Variants in NME7 observed in about 807,000 individuals in gnomAD.
NME7 encodes NME/NM23 family member 7.
Under a neutral mutation model 49.1 loss-of-function variants are expected in NME7, and 41 were observed. The observed-to-expected ratio is 0.83, with a 90% CI of 0.65 to 1.08. NME7 has a LOEUF of 1.08. Ranked by LOEUF, NME7 falls within the 50% of genes least tolerant of loss-of-function variation. NME7 has a pLI of 0.00. For synonymous variants in NME7, 139 were observed against 150.6 expected (o/e 0.92, Z 0.56); for missense variants, 423 against 463.4 (o/e 0.91, Z 0.80).
chr1:169,308,762 T>A (rs1026907325), intron 4 of NME7, among the ~76,000 whole-genome samples: 1 of 152,198 alleles, frequency 6.6e-6, no homozygotes. Context: ...AGTTACTTAC[T>A]TCATGATAGA....
At chr1:169,326,153 C>T (rs1327218964) in intron 1 of NME7, among the ~76,000 whole-genome samples, 1 of 152,090 alleles carries the variant, frequency 6.6e-6, no homozygotes, top group Non-Finnish European at 1.5e-5. Flanking sequence ...AAACCTGGTA[C>T]TTCCATTTAT....
At chr1:169,258,052 C>T (rs1239482263) in intron 7 of NME7, among the ~76,000 whole-genome samples, 3 of 132,964 alleles carry the variant, frequency 2.3e-5, no homozygotes, top group African/African-American at 7.6e-5. Flanking sequence ...TTTAAAAAGA[C>T]ATAGGCCTGG....
At chr1:169,198,014 T>C (rs917226660) in intron 10 of NME7, among the ~76,000 whole-genome samples, 25 of 151,932 alleles carry the variant, frequency 1.6e-4, no homozygotes, top group Non-Finnish European at 3.5e-4. Context: ...AAGTCAATAA[T>C]AAAAATGACT....
At chr1:169,205,867 T>C (rs1290280572) in intron 10 of NME7, among the ~76,000 whole-genome samples, 2 of 152,150 alleles carry the variant, frequency 1.3e-5, no homozygotes, top group African/African-American at 2.4e-5. Flanking sequence ...CTGTATCTCT[T>C]TGACCTCACC....
At position 169,253,797 on chromosome 1, in the gene NME7, T is replaced by C. The variant is rs1426204975; in HGVS notation, c.755-16110A>G. On this transcript the variant is annotated intron_variant, in intron 7 of 11. Transcript: ENST00000367811. The stretch of plus-strand genomic sequence containing the variant: ...AGGGTTGTTGAATTTTGTCAAAGGC[T>C]TTTTCTGCATCTATTGAGATAATCA... 4.6e-5 allele frequency among the ~76,000 whole-genome samples: 7 copies of C among 151,752 alleles called. No homozygotes were observed. In the South Asian group the frequency reaches 6.3e-4, roughly 14 times the overall value.
At chr1:169,291,884 T>C (rs1016170829) in intron 6 of NME7, among the ~76,000 whole-genome samples, 12 of 152,068 alleles carry the variant, frequency 7.9e-5, no homozygotes, top group Admixed American at 2.6e-4. Flanking sequence ...GCCTACAGTA[T>C]AAACATAACT....
intron 10 of NME7, among the ~76,000 whole-genome samples, chr1:169,217,766 C>T (rs988288077): frequency 6.6e-6 from 1 of 152,160 alleles, no homozygotes; most frequent in East Asian, 1.9e-4. Flanking sequence ...AAGACTGTTA[C>T]GTACATTTGA....
intron 10 of NME7, among the ~76,000 whole-genome samples, chr1:169,226,268 C>CT (rs1201551179): frequency 2.0e-5 from 3 of 152,138 alleles, no homozygotes; most frequent in African/African-American, 7.2e-5. Context: ...ATTATCAATT[C>CT]TATCTCTTCC....
At chr1:169,331,710 A>G (rs971703301) in intron 1 of NME7, among the ~76,000 whole-genome samples, 2 of 152,098 alleles carry the variant, frequency 1.3e-5, no homozygotes, top group Admixed American at 1.3e-4. Flanking sequence ...AAGTTATCCC[A>G]TTTACAATAG....
intron 10 of NME7, among the ~76,000 whole-genome samples, chr1:169,183,244 A>C (rs944939345): frequency 2.6e-5 from 4 of 152,260 alleles, no homozygotes; most frequent in Non-Finnish European, 5.9e-5. Context: ...TCCCCAAAGA[A>C]CTACTTAATC....
intron 1 of NME7, among the ~76,000 whole-genome samples, chr1:169,353,851 G>A (rs774153703): frequency 2.0e-5 from 3 of 151,952 alleles, no homozygotes; most frequent in Non-Finnish European, 4.4e-5. Flanking sequence ...CTACAATGAG[G>A]TATCACCTCA....
intron 1 of NME7, among the ~76,000 whole-genome samples, chr1:169,328,143 G>A (rs912709652): frequency 2.6e-5 from 4 of 152,066 alleles, no homozygotes; most frequent in African/African-American, 9.7e-5. Flanking sequence ...AAGAGACATG[G>A]CCCTGAAATG....
At chr1:169,359,171 T>C (rs1653566731) in intron 1 of NME7, among the ~76,000 whole-genome samples, 1 of 152,194 alleles carries the variant, frequency 6.6e-6, no homozygotes. Flanking sequence ...TCCTCCAGTA[T>C]ATTTTAATTC....
At chr1:169,298,900 A>C (rs1650821940) in intron 5 of NME7, 137 bp from the exon 6 acceptor site, 2 of 783,384 alleles carry the variant, frequency 2.6e-6, no homozygotes, top group Admixed American at 6.0e-5. Context: ...AAGCATAGTT[A>C]ATTTTACATG....
chr1:169,328,001 A>G (rs572500541), intron 1 of NME7, among the ~76,000 whole-genome samples: 1 of 152,296 alleles, frequency 6.6e-6, no homozygotes, highest in East Asian at 1.9e-4. Context: ...TCCTGATGAT[A>G]CTATGATCAT....
intron 10 of NME7, among the ~76,000 whole-genome samples, 171 bp from the exon 11 acceptor site, chr1:169,169,725 GAAA>G (rs545376957): frequency 1.5e-3 from 232 of 152,272 alleles, no homozygotes; most frequent in Non-Finnish European, 2.4e-3. Flanking sequence ...CTACATCGGG[GAAA>G]AATAATAATT....
intron 10 of NME7, among the ~76,000 whole-genome samples, chr1:169,196,699 T>C (rs1660389748): frequency 6.6e-6 from 1 of 152,164 alleles, no homozygotes; most frequent in South Asian, 2.1e-4. Flanking sequence ...GTGCACTAAT[T>C]TGTAATACTG....
chr1:169,323,152 T>C lies in NME7; in HGVS notation c.243A>G (p.Gln81=). Residue 81 remains glutamine (Q), a synonymous_variant, in exon 3 of 12, where the codon CAA becomes CAG. Transcript: ENST00000367811. ...RQLVLIDYGD[Q]YTARQLGSRK... is the part of the protein sequence containing the mutation. ...TACTGCCCAGCTGGCGAGCTGTATA[T>C]TGATCCCCATAGTCAATTAATACCA... 1 of 1,606,008 alleles carries C rather than the reference T, an allele frequency of 6.2e-7. No homozygotes were observed. Among genetic ancestry groups the C allele is most frequent in the East Asian group, 2.2e-5 (1 of 44,508 alleles).
intron 1 of NME7, among the ~76,000 whole-genome samples, chr1:169,355,748 T>C (rs1653448943): frequency 6.6e-6 from 1 of 151,372 alleles, no homozygotes; most frequent in South Asian, 2.1e-4. Flanking sequence ...AATACCAACT[T>C]CTTCACTCTC....
Sources: gnomAD v4.1 joint callset for allele counts (sites outside exome capture counted in the v4.1 genomes callset) on GRCh38, gnomAD v4.1.1 for gene constraint, MANE v1.5 for transcripts, NCBI Gene and HGNC (gene_info 2026-07-23, HGNC 2026-07-21) for gene names.